EPHA5: variants seen among roughly 807,000 people sequenced by gnomAD.
EPHA5 encodes the protein ephrin type-A receptor 5.
Under a neutral mutation model 105.0 loss-of-function variants are expected in EPHA5, and 60 were observed. That is an observed-to-expected ratio of 0.57 (90% CI 0.46 to 0.71). EPHA5 has a LOEUF of 0.71. EPHA5 is among the 30% of genes least tolerant of loss of function. The pLI is 0.00. For missense variants in EPHA5, 1,218 were observed against 1,274.7 expected, an observed-to-expected ratio of 0.96 and a Z score of 0.68; for synonymous variants, 513 against 449.1, an observed-to-expected ratio of 1.14 and a Z score of -1.80.
At chr4:65,629,975 C>A (rs1024427061) in intron 2 of EPHA5, among the ~76,000 whole-genome samples, 146 of 152,168 alleles carry the variant, frequency 9.6e-4, no homozygotes, top group African/African-American at 3.4e-3. Context: ...ATCTGGTCTG[C>A]AGAGAAGAAT....
At chr4:65,456,077 G>A (rs191032061) in intron 5 of EPHA5, among the ~76,000 whole-genome samples, 4 of 152,284 alleles carry the variant, frequency 2.6e-5, no homozygotes, top group Admixed American at 6.5e-5. Context: ...CAGAAGGAAA[G>A]TTGTGGGGAG....
At chr4:65,504,527 T>G (rs1732813778) in intron 3 of EPHA5, among the ~76,000 whole-genome samples, 1 of 151,856 alleles carries the variant, frequency 6.6e-6, no homozygotes, top group African/African-American at 2.4e-5. Flanking sequence ...CTGAACTAAT[T>G]TCAGTTTTAC....
chr4:65,345,717 A>G (rs146956834), intron 14 of EPHA5, among the ~76,000 whole-genome samples: 2,062 of 152,372 alleles, frequency 0.014, 51 homozygotes, highest in Admixed American at 0.066. Context: ...TTTGTCTCAC[A>G]GGAGGCATCA....
chr4:65,361,346 C>G (rs777662934), intron 11 of EPHA5, among the ~76,000 whole-genome samples: 30 of 151,510 alleles, frequency 2.0e-4, no homozygotes, highest in Admixed American at 3.3e-4. Flanking sequence ...GGGGGCAGGG[C>G]AAGAATAAGG....
At chr4:65,482,498 G>A (rs1269613472) in intron 5 of EPHA5, among the ~76,000 whole-genome samples, 2 of 152,060 alleles carry the variant, frequency 1.3e-5, no homozygotes, top group African/African-American at 4.8e-5. Flanking sequence ...TTAGGGTTTA[G>A]GAGTACTTTA....
intron 2 of EPHA5, among the ~76,000 whole-genome samples, chr4:65,635,469 C>T (rs149293283): frequency 6.6e-6 from 1 of 152,042 alleles, no homozygotes; most frequent in South Asian, 2.1e-4. Flanking sequence ...ACAACCGATG[C>T]TCAGGGGAAT....
At chr4:65,338,038 T>C (rs1185687136) in intron 14 of EPHA5, among the ~76,000 whole-genome samples, 5 of 152,008 alleles carry the variant, frequency 3.3e-5, no homozygotes, top group Non-Finnish European at 7.4e-5. Flanking sequence ...ATAATTAACA[T>C]AACTTATTAA....
At chr4:65,535,581 G>A (rs1258074926) in intron 3 of EPHA5, among the ~76,000 whole-genome samples, 2 of 151,932 alleles carry the variant, frequency 1.3e-5, no homozygotes, top group African/African-American at 2.4e-5. Context: ...ATTACACTTA[G>A]TTATTATATT....
intron 11 of EPHA5, among the ~76,000 whole-genome samples, chr4:65,360,308 T>G (rs1316376953): frequency 6.6e-6 from 1 of 151,752 alleles, no homozygotes; most frequent in Non-Finnish European, 1.5e-5. Context: ...CCCCACTGAT[T>G]AGTAAGAATA....
At chr4:65,494,340 C>T (rs1039536672) in intron 4 of EPHA5, among the ~76,000 whole-genome samples, 10 of 152,068 alleles carry the variant, frequency 6.6e-5, no homozygotes, top group Non-Finnish European at 7.4e-5. Context: ...AATTTAGAGA[C>T]GGATACTAAT....
chr4:65,576,482 A>G (rs974567766), intron 3 of EPHA5, among the ~76,000 whole-genome samples: 1 of 152,218 alleles, frequency 6.6e-6, no homozygotes, highest in Non-Finnish European at 1.5e-5. Context: ...AAAATGTAGC[A>G]CAATATGGTT....
rs1467260508 is a variant in EPHA5 at position 65,466,626 on chromosome 4, G to GTGT, written c.1402+23748_1402+23750dup. On this transcript the variant is annotated intron_variant, in intron 5 of 16. Coordinates refer to ENST00000613740, the MANE Select transcript of EPHA5 (RefSeq NM_001281766.3). ...TGACATAATGGTGGTTTGGATCAAGGTGTTAGCAATGGAATGGATGACAAA... is the reference window on the plus strand; with the variant it reads ...TGACATAATGGTGGTTTGGATCAAGGTGTTGTTAGCAATGGAATGGATGACAAA... Among the ~76,000 whole-genome samples the GTGT allele has an allele frequency of 5.3e-5, 8 of 152,286 alleles. No individual in the cohort carries two copies. The South Asian group carries it at 1.2e-3, about 24-fold the overall frequency.
chr4:65,486,160 A>C (rs1228241832), intron 5 of EPHA5, among the ~76,000 whole-genome samples: 1 of 152,246 alleles, frequency 6.6e-6, no homozygotes, highest in South Asian at 2.1e-4. Context: ...TTCACAGTGA[A>C]GTTCGAAGTT....
chr4:65,540,251 A>G (rs1394321709), intron 3 of EPHA5, among the ~76,000 whole-genome samples: 3 of 151,616 alleles, frequency 2.0e-5, no homozygotes, highest in Non-Finnish European at 4.4e-5. Flanking sequence ...ATATTTTTCA[A>G]GTGGAAGAAA....
At chr4:65,333,508 A>G (rs912491791) in intron 15 of EPHA5, among the ~76,000 whole-genome samples, 60 of 142,216 alleles carry the variant, frequency 4.2e-4, no homozygotes, top group Non-Finnish European at 8.0e-4. Context: ...TTAAATCACA[A>G]TTGTGTGCGT....
chr4:65,464,030 T>C (rs1476563798), intron 5 of EPHA5, among the ~76,000 whole-genome samples: 1 of 151,862 alleles, frequency 6.6e-6, no homozygotes, highest in East Asian at 1.9e-4. Context: ...ATATTAAGAC[T>C]ACAACAAGAG....
chr4:65,389,203 T>C (rs1720455465), intron 8 of EPHA5, among the ~76,000 whole-genome samples: 6 of 152,086 alleles, frequency 3.9e-5, no homozygotes, highest in Admixed American at 3.9e-4. Context: ...AATGTGTCTA[T>C]TGCTTAAATA....
chr4:65,518,254 A>G (rs1298854525), intron 3 of EPHA5, among the ~76,000 whole-genome samples: 1 of 151,932 alleles, frequency 6.6e-6, no homozygotes, highest in Non-Finnish European at 1.5e-5. Flanking sequence ...TACTTTTATT[A>G]TCTTTTTCTT....
At position 65,669,605 on chromosome 4, in the gene EPHA5, C is replaced by A. The variant is rs761774543; in HGVS notation, c.138G>T (p.Leu46=). Residue 46 remains leucine (L), a synonymous_variant, in exon 1 of 17, where the codon CTG becomes CTT. Coordinates refer to ENST00000613740, the MANE Select transcript of EPHA5 (RefSeq NM_001281766.3). ...RRAPLWTCLL[L]CAALRTLLAS... ...CCAGGAGGGTCCGGAGTGCGGCGCACAGGAGAAGGCACGTCCAGAGGGGAG... is the reference window on the plus strand; with the variant it reads ...CCAGGAGGGTCCGGAGTGCGGCGCAAAGGAGAAGGCACGTCCAGAGGGGAG... 2.1e-6 allele frequency: 3 copies of A among 1,434,714 alleles called. No homozygotes were observed. The highest frequency in any genetic ancestry group is 2.8e-6 in the Non-Finnish European group (3 of 1,088,194). 88.9% of individuals were successfully genotyped at this position (1,434,714 alleles called of 1,614,324 possible). A position where few individuals can be genotyped will look rare whatever the true frequency, so the allele number is the denominator to read the frequency against.
Sources: gnomAD v4.1 joint callset for allele counts (sites outside exome capture counted in the v4.1 genomes callset) on GRCh38, gnomAD v4.1.1 for gene constraint, MANE v1.5 for transcripts, NCBI Gene and HGNC (gene_info 2026-07-23, HGNC 2026-07-21) for gene names.